Variants in SYNPR observed in about 807,000 individuals in gnomAD.
SYNPR encodes synaptoporin.
Under a neutral mutation model 32.9 loss-of-function variants are expected in SYNPR, and 23 were observed. That is an observed-to-expected ratio of 0.70 (90% CI 0.50 to 0.99). The LOEUF (loss-of-function observed/expected upper bound fraction) is 0.99. Among genes scored for constraint, SYNPR ranks in the 50% least tolerant of loss-of-function variants. SYNPR has a pLI of 0.00. For missense variants in SYNPR, 318 were observed against 349.3 expected (o/e 0.91, Z 0.71); for synonymous variants, 146 against 135.9 (o/e 1.07, Z -0.52).
rs1247257659 is a variant in SYNPR, at chr3:63,278,352, G to A, written c.-182G>A. 2 of 719,502 alleles carry A rather than the reference G, an allele frequency of 2.8e-6. No homozygotes were observed. Among genetic ancestry groups the A allele is most frequent in the African/African-American group, 1.8e-5 (1 of 55,528 alleles). 44.6% of individuals were successfully genotyped at this position (719,502 alleles called of 1,614,324 possible). The stretch of plus-strand genomic sequence containing the variant: ...CGCTTCCCCGACGCGCTGGGTTCCC[G>A]GAGCGCAGAGCCCAGCGTTAGCGGG... On this transcript the variant is annotated 5_prime_UTR_variant, in exon 1 of 6. Transcript: ENST00000478300.
intron 3 of SYNPR, among the ~76,000 whole-genome samples, chr3:63,494,295 T>C: frequency 6.7e-6 from 1 of 150,250 alleles, no homozygotes; most frequent in Non-Finnish European, 1.5e-5. Flanking sequence ...CTTTTGAGCA[T>C]GTCCCCTTAA....
intron 1 of SYNPR, among the ~76,000 whole-genome samples, chr3:63,251,634 A>G (rs2086331954): frequency 6.6e-6 from 1 of 152,134 alleles, no homozygotes; most frequent in Admixed American, 6.6e-5. Flanking sequence ...TCTGAGAGCA[A>G]CGTAGACATA....
chr3:63,537,301 C>T (rs1203021675), intron 3 of SYNPR, among the ~76,000 whole-genome samples: 1 of 152,124 alleles, frequency 6.6e-6, no homozygotes, highest in South Asian at 2.1e-4. Flanking sequence ...TCCCATCTCA[C>T]TTCAACCCCT....
intron 2 of SYNPR, among the ~76,000 whole-genome samples, chr3:63,347,831 C>CACACACACA (rs1003018765): frequency 1.3e-5 from 2 of 150,828 alleles, no homozygotes; most frequent in Admixed American, 1.3e-4. Flanking sequence ...GAATAGTATT[C>CACACACACA]CATTGTGTGT....
chr3:63,304,605 A>C (rs966411646), intron 2 of SYNPR, among the ~76,000 whole-genome samples: 9 of 151,942 alleles, frequency 5.9e-5, no homozygotes, highest in African/African-American at 2.2e-4. Flanking sequence ...TAAAAATATC[A>C]CAAGTGAGAA....
intron 4 of SYNPR, among the ~76,000 whole-genome samples, chr3:63,601,556 A>G (rs1036876639): frequency 2.1e-4 from 32 of 152,026 alleles, no homozygotes; most frequent in African/African-American, 7.5e-4. Flanking sequence ...GTCCACGTGT[A>G]CTTTAATTTT....
At chr3:63,245,741 ATGTG>A (rs61623224) in intron 1 of SYNPR, among the ~76,000 whole-genome samples, 7,760 of 86,954 alleles carry the variant, frequency 0.089, 633 homozygotes, top group African/African-American at 0.25. Flanking sequence ...GTGTGTGTGT[ATGTG>A]TGTGTGTGTG....
intron 3 of SYNPR, among the ~76,000 whole-genome samples, chr3:63,515,204 A>T (rs573473700): frequency 6.6e-6 from 1 of 152,072 alleles, no homozygotes; most frequent in East Asian, 1.9e-4. Context: ...CCTTCAAAAC[A>T]TCTGCGAGCT....
At chr3:63,365,375 G>A (rs760437008) in intron 2 of SYNPR, among the ~76,000 whole-genome samples, 60 of 152,252 alleles carry the variant, frequency 3.9e-4, no homozygotes, top group African/African-American at 1.3e-3. Context: ...GGGTTGTGGT[G>A]GGGGAGAGTA....
chr3:63,570,528 A>AC (rs1702869095), intron 4 of SYNPR, among the ~76,000 whole-genome samples: 1 of 152,124 alleles, frequency 6.6e-6, no homozygotes, highest in South Asian at 2.1e-4. Flanking sequence ...CTGCATAGCT[A>AC]CTGAGCTGCT....
intron 4 of SYNPR, among the ~76,000 whole-genome samples, chr3:63,575,469 T>C (rs1323927903): frequency 6.6e-6 from 1 of 152,060 alleles, no homozygotes; most frequent in African/African-American, 2.4e-5. Context: ...TCTCCCTGCT[T>C]AGGAACCAAT....
the SYNPR span, among the ~76,000 whole-genome samples, chr3:63,206,943 G>T: frequency 6.6e-6 from 1 of 152,166 alleles, no homozygotes; most frequent in Admixed American, 6.5e-5. Flanking sequence ...TGCTCTAATT[G>T]CCTAAAGTAG....
intron 2 of SYNPR, among the ~76,000 whole-genome samples, chr3:63,470,236 T>G (rs1700770097): frequency 6.6e-6 from 1 of 152,186 alleles, no homozygotes; most frequent in South Asian, 2.1e-4. Flanking sequence ...AATACATGTA[T>G]TTACTTTTTT....
At chr3:63,525,429 C>G (rs1701994315) in intron 3 of SYNPR, among the ~76,000 whole-genome samples, 1 of 152,122 alleles carries the variant, frequency 6.6e-6, no homozygotes, top group South Asian at 2.1e-4. Context: ...CCAGGAACTT[C>G]TAATGGACAG....
At chr3:63,462,602 T>C (rs1700605585) in intron 2 of SYNPR, among the ~76,000 whole-genome samples, 2 of 152,176 alleles carry the variant, frequency 1.3e-5, no homozygotes, top group South Asian at 4.1e-4. Context: ...ACATGAGTAC[T>C]AGCTTCCTAA....
chr3:63,273,941 A>G (rs1346194897), upstream of SYNPR, among the ~76,000 whole-genome samples: 3 of 152,196 alleles, frequency 2.0e-5, no homozygotes, highest in Non-Finnish European at 4.4e-5. Context: ...ATTTCCACAC[A>G]ATCTCCTGTC....
chr3:63,605,318 G>A (rs999775573), intron 4 of SYNPR, among the ~76,000 whole-genome samples: 4 of 152,184 alleles, frequency 2.6e-5, no homozygotes, highest in African/African-American at 9.7e-5. Flanking sequence ...TGGGCCAAGG[G>A]AATAGCAAGT....
upstream of SYNPR, among the ~76,000 whole-genome samples, chr3:63,277,952 A>T (rs1026098187): frequency 6.6e-6 from 1 of 151,988 alleles, no homozygotes; most frequent in African/African-American, 2.4e-5. Context: ...TTATTTTTTT[A>T]TTTTTATGTA....
intron 3 of SYNPR, among the ~76,000 whole-genome samples, chr3:63,270,918 CT>C (rs2086529477): frequency 1.4e-5 from 1 of 73,758 alleles, no homozygotes; most frequent in Non-Finnish European, 3.0e-5. Context: ...TCCTTCCTTC[CT>C]TCCTTCTTTC....
Sources: gnomAD v4.1 joint callset for allele counts (sites outside exome capture counted in the v4.1 genomes callset) on GRCh38, gnomAD v4.1.1 for gene constraint, MANE v1.5 for transcripts, NCBI Gene and HGNC (gene_info 2026-07-23, HGNC 2026-07-21) for gene names.